The following VPS50 variants were observed in gnomAD, a reference collection of about 807,000 sequenced individuals.
VPS50 encodes syndetin.
A neutral mutation model predicts 139.7 loss-of-function variants in VPS50; 70 were observed. The ratio of observed to expected loss-of-function variants is 0.50; its 90% CI spans 0.41 to 0.61. The LOEUF is 0.61. Among genes scored for constraint, VPS50 ranks in the 20% least tolerant of loss-of-function variants. The pLI is 0.00. For synonymous variants in VPS50, 365 were observed against 376.7 expected (o/e 0.97, Z 0.36); for missense variants, 921 against 1,133.7 (o/e 0.81, Z 2.69).
chr7:93,314,177 G>T (rs1797354346), intron 20 of VPS50, among the ~76,000 whole-genome samples: 1 of 152,214 alleles, frequency 6.6e-6, no homozygotes, highest in Non-Finnish European at 1.5e-5. Context: ...AAAGGGAGAA[G>T]TACGGTTGTG....
chr7:93,265,754 A>G (rs1014608525), intron 9 of VPS50, among the ~76,000 whole-genome samples: 3 of 151,908 alleles, frequency 2.0e-5, no homozygotes, highest in Non-Finnish European at 4.4e-5. Context: ...TTTAGTAGAG[A>G]TGGGGTTTCA....
At chr7:93,291,357 T>C (rs141253602) in intron 12 of VPS50, among the ~76,000 whole-genome samples, 163 of 152,190 alleles carry the variant, frequency 1.1e-3, no homozygotes, top group African/African-American at 3.9e-3. Context: ...TAAAGCTGTA[T>C]TTGCATGTTT....
In VPS50 at chr7:93,331,776, G is replaced by A. The variant is rs189108049; in HGVS notation, c.1978-2341G>A. Among the ~76,000 whole-genome samples the A allele has an allele frequency of 5.3e-3, 806 of 152,220 alleles. 5 individuals carry two copies. The highest frequency in any genetic ancestry group is 9.4e-3 in the Non-Finnish European group (640 of 68,006). On this transcript the variant is annotated intron_variant, in intron 21 of 27. Transcript: ENST00000305866. ...GTTAACAACGTTTGCTAAAGAGGTA[G>A]AAATACGAAAAGGCAAGTCAGACCA...
intron 12 of VPS50, among the ~76,000 whole-genome samples, chr7:93,279,820 A>C (rs1796269535): frequency 6.6e-6 from 1 of 152,206 alleles, no homozygotes; most frequent in Non-Finnish European, 1.5e-5. Flanking sequence ...AATGCTACAG[A>C]GTAAGAGGCA....
At chr7:93,323,286 C>T (rs1380445990) in intron 20 of VPS50, 1 of 152,474 alleles carries the variant, frequency 6.6e-6, no homozygotes, top group Non-Finnish European at 1.5e-5. Flanking sequence ...TGTACAGTGT[C>T]AGTTGTAGAA....
intron 26 of VPS50, among the ~76,000 whole-genome samples, chr7:93,354,046 G>T (rs1017043576): frequency 3.3e-5 from 5 of 152,088 alleles, no homozygotes; most frequent in Admixed American, 3.3e-4. Flanking sequence ...ATAAAATTAT[G>T]ATGGTGATGA....
intron 11 of VPS50, 197 bp downstream of exon 11, chr7:93,272,930 A>G (rs971147358): frequency 2.8e-5 from 10 of 357,738 alleles, no homozygotes; most frequent in Non-Finnish European, 5.0e-5. Context: ...ACATTACAGT[A>G]GTTTGTTTTG....
chr7:93,303,410 C>T (rs373222116), intron 16 of VPS50, 50 bp from the exon 17 acceptor site: 50 of 729,076 alleles, frequency 6.9e-5, no homozygotes, highest in African/African-American at 1.2e-4. Flanking sequence ...TTCTTGTGTG[C>T]GGTGTACTTT....
intron 9 of VPS50, among the ~76,000 whole-genome samples, chr7:93,268,939 G>A (rs1158210310): frequency 1.3e-5 from 2 of 152,118 alleles, no homozygotes; most frequent in African/African-American, 2.4e-5. Flanking sequence ...GGGAAATACT[G>A]AAATGAAATG....
At chr7:93,261,244 A>G (rs966493834) in intron 9 of VPS50, among the ~76,000 whole-genome samples, 2 of 152,250 alleles carry the variant, frequency 1.3e-5, no homozygotes, top group African/African-American at 2.4e-5. Context: ...CAGGCAGTTT[A>G]CAGAGTGTTT....
chr7:93,273,621 A>G (rs962288195), intron 11 of VPS50: 2 of 152,106 alleles, frequency 1.3e-5, no homozygotes, highest in African/African-American at 4.8e-5. Context: ...CCCTCATAAG[A>G]TTAAGTCTTA....
intron 12 of VPS50, among the ~76,000 whole-genome samples, chr7:93,278,532 G>A (rs1282169628): frequency 2.0e-5 from 3 of 150,118 alleles, no homozygotes; most frequent in Non-Finnish European, 3.0e-5. Flanking sequence ...GGGAGGTGGA[G>A]GTTGCAGTGA....
intron 1 of VPS50, among the ~76,000 whole-genome samples, chr7:93,235,523 C>A (rs898745664): frequency 5.9e-5 from 9 of 152,032 alleles, no homozygotes; most frequent in Non-Finnish European, 1.2e-4. Flanking sequence ...GCCTTCCACC[C>A]TAGTGGTGGA....
At chr7:93,300,802 T>A (rs564304121) in intron 16 of VPS50, among the ~76,000 whole-genome samples, 1 of 151,802 alleles carries the variant, frequency 6.6e-6, no homozygotes, top group East Asian at 1.9e-4. Context: ...GAAAAATATA[T>A]ATAATATAAA....
At chr7:93,343,084 A>T (rs543328160) in intron 23 of VPS50, among the ~76,000 whole-genome samples, 55 of 152,312 alleles carry the variant, frequency 3.6e-4, no homozygotes, top group Admixed American at 8.5e-4. Flanking sequence ...GAAAACTTTG[A>T]AAAAAATTTA....
At chr7:93,271,060 T>C in intron 9 of VPS50, 160 bp from the exon 10 acceptor site, 1 of 1,152,880 alleles carries the variant, frequency 8.7e-7, no homozygotes, top group African/African-American at 1.6e-5. Context: ...TCTAATACTT[T>C]TTCTTATTGC....
chr7:93,314,315 G>A (rs919233529), intron 20 of VPS50, among the ~76,000 whole-genome samples: 3 of 152,224 alleles, frequency 2.0e-5, no homozygotes, highest in Non-Finnish European at 4.4e-5. Context: ...TTACTTGGCA[G>A]ATAATTAGCA....
At chr7:93,341,322 G>C (rs1046513129) in intron 22 of VPS50, 105 bp from the exon 23 acceptor site, 1 of 674,646 alleles carries the variant, frequency 1.5e-6, no homozygotes, top group Non-Finnish European at 2.5e-6. Context: ...TGTAATTAAC[G>C]TGTGCCCCAA....
chr7:93,308,907 T>C lies in VPS50; in HGVS notation c.1713T>C (p.Tyr571=). Residue 571 remains tyrosine, a synonymous_variant, in exon 19 of 28, where the codon TAT becomes TAC. Coordinates refer to ENST00000305866, the MANE Select transcript of VPS50 (RefSeq NM_017667.4). ...TTCCTGAGGAACTCAAACGAGACTA[T>C]GTGGATGAGCAGACAGGAGATGGTC... is the stretch of plus-strand genomic sequence containing the variant. The part of the protein sequence containing the change: ...SDVPEELKRD[Y]VDEQTGDGPV... 2 of 1,601,938 alleles carry C rather than the reference T, an allele frequency of 1.2e-6. No individual in the cohort carries two copies. Among genetic ancestry groups the C allele is most frequent in the Non-Finnish European group, 8.5e-7 (1 of 1,169,652 alleles).
Sources: allele counts gnomAD v4.1 joint callset (sites outside exome capture counted in the v4.1 genomes callset), GRCh38; gene constraint gnomAD v4.1.1; transcripts MANE v1.5; gene names NCBI Gene and HGNC (gene_info 2026-07-23, HGNC 2026-07-21).